TPST1: variants seen among roughly 807,000 people sequenced by gnomAD.
The protein encoded by TPST1 is protein-tyrosine sulfotransferase 1.
Under a neutral mutation model 34.8 loss-of-function variants are expected in TPST1, and 20 were observed. The ratio of observed to expected loss-of-function variants is 0.57; its 90% CI spans 0.40 to 0.84. TPST1 has a LOEUF of 0.84. Ranked by LOEUF, TPST1 falls within the 40% of genes least tolerant of loss-of-function variation. TPST1 has a pLI of 0.00. For missense variants in TPST1, 353 were observed against 455.5 expected, an observed-to-expected ratio of 0.78 and a Z score of 2.05; for synonymous variants, 152 against 159.4, an observed-to-expected ratio of 0.95 and a Z score of 0.35.
intron 1 of TPST1, among the ~76,000 whole-genome samples, chr7:66,231,689 A>T (rs1265316085): frequency 6.6e-6 from 1 of 152,212 alleles, no homozygotes; most frequent in Admixed American, 6.5e-5. Context: ...CGCAAGCACC[A>T]CGGGCAGCAC....
At chr7:66,262,008 T>G (rs541864884) in intron 2 of TPST1, among the ~76,000 whole-genome samples, 57 of 152,258 alleles carry the variant, frequency 3.7e-4, no homozygotes, top group African/African-American at 1.2e-3. Context: ...GGTGTGTGTA[T>G]GTAAAGATGA....
chr7:66,245,737 A>C (rs1184364281), intron 2 of TPST1, among the ~76,000 whole-genome samples: 1 of 152,228 alleles, frequency 6.6e-6, no homozygotes, highest in Non-Finnish European at 1.5e-5. Flanking sequence ...GATAACAAGA[A>C]TATTTTGAGC....
chr7:66,323,105 GA>G (rs1791790815), intron 3 of TPST1, among the ~76,000 whole-genome samples: 1 of 151,972 alleles, frequency 6.6e-6, no homozygotes, highest in Non-Finnish European at 1.5e-5. Flanking sequence ...TGGATTTTTT[GA>G]TTTTTTGCTG....
chr7:66,255,145 C>CAAA (rs35033344), intron 2 of TPST1, among the ~76,000 whole-genome samples: 2 of 78,514 alleles, frequency 2.5e-5, no homozygotes, highest in African/African-American at 4.6e-5. Context: ...GACAACGTCT[C>CAAA]AAAAAAAAAA....
At chr7:66,329,425 A>G (rs187310476) in intron 3 of TPST1, among the ~76,000 whole-genome samples, 16 of 149,678 alleles carry the variant, frequency 1.1e-4, no homozygotes, top group Non-Finnish European at 1.9e-4. Flanking sequence ...GTATACTCAC[A>G]TGGCTTTTTT....
intron 1 of TPST1, among the ~76,000 whole-genome samples, chr7:66,218,798 G>A (rs1266188438): frequency 1.3e-5 from 2 of 151,406 alleles, no homozygotes; most frequent in African/African-American, 4.9e-5. Flanking sequence ...AGTGAGCTGC[G>A]ATTGCACCAC....
intron 1 of TPST1, among the ~76,000 whole-genome samples, chr7:66,226,271 A>G (rs1789655091): frequency 6.6e-6 from 1 of 152,148 alleles, no homozygotes; most frequent in Non-Finnish European, 1.5e-5. Flanking sequence ...GGACATAGGC[A>G]AATCTCTGGG....
intron 1 of TPST1, among the ~76,000 whole-genome samples, chr7:66,213,453 G>T (rs1789308142): frequency 1.3e-5 from 2 of 152,140 alleles, no homozygotes; most frequent in African/African-American, 2.4e-5. Flanking sequence ...AAGAGTGTAT[G>T]TAATGGCTTG....
chr7:66,313,740 A>G lies in TPST1; in HGVS notation c.1044+27031A>G, dbSNP rs150191313. Among the ~76,000 whole-genome samples, 13 of 152,312 alleles carry G rather than the reference A, an allele frequency of 8.5e-5. No individual in the cohort carries two copies. In the East Asian group the frequency reaches 2.3e-3, roughly 27 times the overall value. On this transcript the variant is annotated intron_variant, in intron 3 of 5. Transcript: ENST00000304842. ...CTTACAGAAAGGCTGTAAGAATAATACAGAGAAATCCTGTGTATTCTTTCC... is the reference window on the plus strand; with the variant it reads ...CTTACAGAAAGGCTGTAAGAATAATGCAGAGAAATCCTGTGTATTCTTTCC...
intron 4 of TPST1, among the ~76,000 whole-genome samples, chr7:66,354,522 C>CAAAAAAAAAAAAAAAAAAAAAAAA (rs66521537): frequency 1.6e-5 from 1 of 60,812 alleles, no homozygotes; most frequent in African/African-American, 8.0e-5. Flanking sequence ...GAGTCTGTCT[C>CAAAAAAAAAAAAAAAAAAAAAAAA]AAAAAAAAAA....
chr7:66,352,703 G>A, intron 4 of TPST1, 148 bp downstream of exon 4: 2 of 1,481,670 alleles, frequency 1.3e-6, no homozygotes, highest in Non-Finnish European at 1.8e-6. Flanking sequence ...TGCTGGGGAA[G>A]AAAGATCAGC....
chr7:66,203,889 A>G (rs1434982473), upstream of TPST1, among the ~76,000 whole-genome samples: 3 of 152,138 alleles, frequency 2.0e-5, no homozygotes, highest in African/African-American at 7.2e-5. Flanking sequence ...ATAAAAGATG[A>G]TGTCCAGCCA....
At chr7:66,307,203 C>T (rs1043062664) in intron 3 of TPST1, among the ~76,000 whole-genome samples, 2 of 151,222 alleles carry the variant, frequency 1.3e-5, no homozygotes, top group Admixed American at 6.6e-5. Context: ...CTGCAAGGTC[C>T]GCCTCCCGGG....
chr7:66,200,029 C>T, the TPST1 span, among the ~76,000 whole-genome samples: 1 of 152,164 alleles, frequency 6.6e-6, no homozygotes, highest in African/African-American at 2.4e-5. Flanking sequence ...TGCGCGGGGC[C>T]TGTGTCCTTC....
chr7:66,353,286 G>A (rs1404303480), intron 4 of TPST1, among the ~76,000 whole-genome samples: 2 of 152,014 alleles, frequency 1.3e-5, no homozygotes, highest in African/African-American at 2.4e-5. Context: ...TACAGCCTGT[G>A]TGACAGAACA....
At chr7:66,273,698 G>A (rs1790747358) in intron 2 of TPST1, among the ~76,000 whole-genome samples, 1 of 151,998 alleles carries the variant, frequency 6.6e-6, no homozygotes, top group Admixed American at 6.6e-5. Flanking sequence ...AAATAATGTT[G>A]GGAAAACTGG....
At chr7:66,313,792 C>T (rs897919982) in intron 3 of TPST1, among the ~76,000 whole-genome samples, 1 of 152,060 alleles carries the variant, frequency 6.6e-6, no homozygotes, top group East Asian at 1.9e-4. Context: ...TCTTCTCTCT[C>T]TTTCTCTCTC....
intron 1 of TPST1, among the ~76,000 whole-genome samples, chr7:66,210,114 G>A (rs1272201013): frequency 6.6e-6 from 1 of 152,176 alleles, no homozygotes; most frequent in African/African-American, 2.4e-5. Context: ...GAGGCTAAGG[G>A]GTTAGATTTG....
intron 5 of TPST1, chr7:66,359,248 A>G (rs1222041554): frequency 6.6e-6 from 1 of 150,958 alleles, no homozygotes; most frequent in Non-Finnish European, 1.5e-5. Flanking sequence ...ACCCCTGGAC[A>G]CTTAACCTTA....
Sources: allele counts gnomAD v4.1 joint callset (sites outside exome capture counted in the v4.1 genomes callset), GRCh38; gene constraint gnomAD v4.1.1; transcripts MANE v1.5; gene names NCBI Gene and HGNC (gene_info 2026-07-23, HGNC 2026-07-21).